ABLIM1: variants seen among roughly 807,000 people sequenced by gnomAD.
ABLIM1 encodes actin binding LIM protein 1.
In ABLIM1, 40 loss-of-function variants were observed where a neutral mutation model predicts 107.0. The observed-to-expected ratio is 0.37, with a 90% CI of 0.29 to 0.49. The LOEUF is 0.49. Among genes scored for constraint, ABLIM1 ranks in the 20% least tolerant of loss-of-function variants. The pLI is 0.97. For missense variants in ABLIM1, 857 were observed against 1,008.5 expected (o/e 0.85, Z 2.04); for synonymous variants, 357 against 357.3 (o/e 1.00, Z 0.01).
At chr10:114,523,459 G>A (rs973086377) in intron 6 of ABLIM1, among the ~76,000 whole-genome samples, 3 of 152,116 alleles carry the variant, frequency 2.0e-5, no homozygotes, top group African/African-American at 7.2e-5. Flanking sequence ...TTCTTAAAGA[G>A]GTGGTAAATA....
intron 12 of ABLIM1, among the ~76,000 whole-genome samples, chr10:114,461,117 G>A (rs1175611796): frequency 6.6e-6 from 1 of 151,150 alleles, no homozygotes; most frequent in East Asian, 1.9e-4. Context: ...AGGCTGGAGT[G>A]CAGTGGCTCG....
At position 114,654,106 on chromosome 10, in the gene ABLIM1, G is replaced by A. The variant is rs142855978; in HGVS notation, c.244+3851C>T. ...CTGCTCCTGAACACTCTGGGGCTTC[G>A]TAGCACAGGAACATGCATGGCTGCA... On this transcript the variant is annotated intron_variant, in intron 1 of 22. Coordinates refer to ENST00000533213, the MANE Select transcript of ABLIM1 (RefSeq NM_002313.7). 2.0e-5 allele frequency among the ~76,000 whole-genome samples: 3 copies of A among 152,294 alleles called. No individual in the cohort carries two copies. The East Asian group carries it at 5.8e-4, about 29-fold the overall frequency.
At chr10:114,663,097 T>C (rs2079864308), upstream of ABLIM1, among the ~76,000 whole-genome samples, 1 of 152,238 alleles carries the variant, frequency 6.6e-6, no homozygotes, top group South Asian at 2.1e-4. Context: ...CTCTATGCCC[T>C]CAACACATCT....
intron 1 of ABLIM1, among the ~76,000 whole-genome samples, chr10:114,763,116 A>C (rs1294560944): frequency 6.6e-6 from 1 of 152,156 alleles, no homozygotes; most frequent in African/African-American, 2.4e-5. Flanking sequence ...GCTTCTTTGT[A>C]AAGTGTTTGT....
At chr10:114,741,177 A>G (rs2082279177) in intron 1 of ABLIM1, among the ~76,000 whole-genome samples, 1 of 151,128 alleles carries the variant, frequency 6.6e-6, no homozygotes, top group Non-Finnish European at 1.5e-5. Flanking sequence ...AAGTCACCCT[A>G]AAGATTCTGC....
chr10:114,618,252 A>G (rs558431864), intron 1 of ABLIM1, among the ~76,000 whole-genome samples: 54 of 152,180 alleles, frequency 3.5e-4, no homozygotes, highest in Non-Finnish European at 6.9e-4. Context: ...CTAGGAATAG[A>G]TTCCCTTTCT....
At chr10:114,690,968 C>G (rs112771825) in intron 1 of ABLIM1, among the ~76,000 whole-genome samples, 1 of 152,238 alleles carries the variant, frequency 6.6e-6, no homozygotes, top group Non-Finnish European at 1.5e-5. Flanking sequence ...AGGTGCGAGC[C>G]ACCTCGCCAG....
intron 1 of ABLIM1, among the ~76,000 whole-genome samples, chr10:114,725,570 G>A (rs749484122): frequency 4.6e-5 from 7 of 152,108 alleles, no homozygotes; most frequent in Non-Finnish European, 8.8e-5. Context: ...ACAAGAACAT[G>A]AAGAAACTGT....
chr10:114,439,254 C>A lies in ABLIM1; in HGVS notation c.2068-4G>T. On this transcript the variant is annotated splice_polypyrimidine_tract_variant and splice_region_variant and intron_variant, in intron 20 of 22. Coordinates refer to ENST00000533213, the MANE Select transcript of ABLIM1 (RefSeq NM_002313.7). ...GCATGTGGCCATCTGGGAGTGTCTG[C>A]AACAGAAATGCCAGTTCCAGGTGAG... The A allele has an allele frequency of 6.2e-7, 1 of 1,614,172 alleles. No homozygotes were observed.
At chr10:114,659,078 A>T (rs547773272), upstream of ABLIM1, among the ~76,000 whole-genome samples, 3 of 152,178 alleles carry the variant, frequency 2.0e-5, no homozygotes, top group East Asian at 5.8e-4. Flanking sequence ...AAATGAATAA[A>T]CTCACACTCC....
At chr10:114,714,235 C>T (rs544035475) in intron 1 of ABLIM1, among the ~76,000 whole-genome samples, 63 of 152,244 alleles carry the variant, frequency 4.1e-4, no homozygotes, top group African/African-American at 1.5e-3. Flanking sequence ...CCATTGGGGA[C>T]CTCAGACTGA....
At chr10:114,661,535 G>C (rs909865572), upstream of ABLIM1, among the ~76,000 whole-genome samples, 2 of 152,218 alleles carry the variant, frequency 1.3e-5, no homozygotes, top group African/African-American at 4.8e-5. Flanking sequence ...AGAAGCACCA[G>C]TGGATTCAGG....
chr10:114,690,452 C>T (rs2081050999), intron 1 of ABLIM1: 1 of 1,595,938 alleles, frequency 6.3e-7, no homozygotes, highest in Non-Finnish European at 8.6e-7. Context: ...AGTCACCACC[C>T]TGACACATAA....
At position 114,619,315 on chromosome 10, in the gene ABLIM1, G is replaced by C. The variant is rs1412584187; in HGVS notation, c.245-17354C>G. Among the ~76,000 whole-genome samples, 1 of 151,490 alleles carries C rather than the reference G, an allele frequency of 6.6e-6. No homozygotes were observed. The highest frequency in any genetic ancestry group is 2.4e-5 in the African/African-American group (1 of 41,150). ...AGGTTCAAGCAATTCTCCTGCCTCA[G>C]CCTCCCGAGCAGCTGGGATTACAGG... On this transcript the variant is annotated intron_variant, in intron 1 of 22. Coordinates refer to ENST00000533213, the MANE Select transcript of ABLIM1 (RefSeq NM_002313.7). This position sits in a 1 kb window ranked among gnomAD's most constrained non-coding sequence, Gnocchi z 4.1.
At chr10:114,749,620 C>T (rs1158201863) in intron 1 of ABLIM1, among the ~76,000 whole-genome samples, 1 of 152,136 alleles carries the variant, frequency 6.6e-6, no homozygotes, top group African/African-American at 2.4e-5. Context: ...CTGCTCAACA[C>T]CCTTGAGTGG....
chr10:114,735,145 T>C (rs7910860), intron 1 of ABLIM1, among the ~76,000 whole-genome samples: 7,277 of 152,246 alleles, frequency 0.048, 248 homozygotes, highest in African/African-American at 0.089. Context: ...AGTCCCCAGT[T>C]GAGTAGGCTA....
At chr10:114,716,842 T>TAAAAAA (rs34567416) in intron 1 of ABLIM1, among the ~76,000 whole-genome samples, 1 of 134,558 alleles carries the variant, frequency 7.4e-6, no homozygotes, top group Non-Finnish European at 1.6e-5. Context: ...CTGGAACTGT[T>TAAAAAA]AAAAAAAAAA....
intron 12 of ABLIM1, among the ~76,000 whole-genome samples, chr10:114,459,251 AAAAC>A (rs146224817): frequency 0.02 from 2,982 of 152,334 alleles, 72 homozygotes; most frequent in African/African-American, 0.056. Flanking sequence ...AAAACAAAAC[AAAAC>A]AAACAAACAA....
intron 2 of ABLIM1, among the ~76,000 whole-genome samples, chr10:114,599,747 A>G (rs1415183415): frequency 6.6e-6 from 1 of 152,054 alleles, no homozygotes; most frequent in Non-Finnish European, 1.5e-5. Context: ...AGATCACACC[A>G]CTGCACTCCA....
Sources: gnomAD v4.1 joint callset for allele counts (sites outside exome capture counted in the v4.1 genomes callset) on GRCh38, gnomAD v4.1.1 for gene constraint, Gnocchi (gnomAD v3.1) non-coding constraint, MANE v1.5 for transcripts, NCBI Gene and HGNC (gene_info 2026-07-23, HGNC 2026-07-21) for gene names.